ZC3H13: variants seen among roughly 807,000 people sequenced by gnomAD.
ZC3H13 encodes zinc finger CCCH domain-containing protein 13.
A neutral mutation model predicts 204.1 loss-of-function variants in ZC3H13; 64 were observed. That is an observed-to-expected ratio of 0.31 (90% CI 0.26 to 0.39). ZC3H13 has a LOEUF of 0.39. Ranked by LOEUF, ZC3H13 falls within the 10% of genes least tolerant of loss-of-function variation. The pLI, the probability that ZC3H13 is intolerant of heterozygous loss-of-function variation, is 1.00. For missense variants in ZC3H13, 1,833 were observed against 2,082.7 expected (o/e 0.88, Z 2.33); for synonymous variants, 667 against 693.7 (o/e 0.96, Z 0.60).
chr13:46,032,415 G>A (rs1234930001), intron 4 of ZC3H13, among the ~76,000 whole-genome samples: 2 of 147,112 alleles, frequency 1.4e-5, no homozygotes, highest in Non-Finnish European at 3.0e-5. Flanking sequence ...TAAATTACCT[G>A]TAAATACATG....
Position 45,970,612 on chromosome 13 carries a change from C to T in ZC3H13, c.2469-147G>A, listed in dbSNP as rs532692330. 1.2e-4 allele frequency: 73 copies of T among 594,082 alleles called. No individual in the cohort carries two copies. In the African/African-American group the frequency reaches 1.3e-3, roughly 10 times the overall value. The allele number at this position is 594,082 out of a possible 1,614,324, so 36.8% of individuals were successfully genotyped here. Reference sequence around the variant, plus strand: ...CAGAGTGTATCATACAAAGGATATTCAGTGTCTTTAATACAAATTCTTTAC... The same window carrying T: ...CAGAGTGTATCATACAAAGGATATTTAGTGTCTTTAATACAAATTCTTTAC... On this transcript the variant is annotated intron_variant, in intron 12 of 18. Coordinates refer to ENST00000679008, the MANE Select transcript of ZC3H13 (RefSeq NM_001330564.2).
In ZC3H13 at chr13:45,985,351, T is replaced by C; in HGVS notation, c.1666A>G (p.Arg556Gly). 6.2e-7 allele frequency: 1 copy of C among 1,614,250 alleles called. No individual in the cohort carries two copies. The highest frequency in any genetic ancestry group is 8.5e-7 in the Non-Finnish European group (1 of 1,180,038). ...ESRNESRSEIRNDRMGRSRGR... is the reference protein window; with the variant it reads ...ESRNESRSEIGNDRMGRSRGR... ...CTACTTCGGCCCATTCGGTCATTTCTAATTTCACTTCGAGACTCATTTCTG... is the reference window on the plus strand; with the variant it reads ...CTACTTCGGCCCATTCGGTCATTTCCAATTTCACTTCGAGACTCATTTCTG... Residue 556 changes from arginine to glycine, a missense_variant, in exon 10 of 19, where the codon AGA becomes GGA. Coordinates refer to ENST00000679008, the MANE Select transcript of ZC3H13 (RefSeq NM_001330564.2).
intron 1 of ZC3H13, among the ~76,000 whole-genome samples, chr13:46,049,045 G>A (rs999541445): frequency 2.0e-5 from 3 of 151,722 alleles, no homozygotes; most frequent in Non-Finnish European, 4.4e-5. Flanking sequence ...CCAGCTACTC[G>A]GGAAGCTGAG....
In ZC3H13 at chr13:45,965,875, C is replaced by T. The variant is rs1304326850; in HGVS notation, c.4322-443G>A. Among the ~76,000 whole-genome samples, 3 of 151,990 alleles carry T rather than the reference C, an allele frequency of 2.0e-5. 1 individual carries two copies. The South Asian group carries it at 6.2e-4, about 32-fold the overall frequency. On this transcript the variant is annotated intron_variant, in intron 15 of 18. Coordinates refer to ENST00000679008, the MANE Select transcript of ZC3H13 (RefSeq NM_001330564.2). ...CTTGCAAACATTTAAAAAATTTACT[C>T]GAAGCTTAAATCTTAGTTCATATTA...
chr13:45,968,751 A>C lies in ZC3H13; in HGVS notation c.3793T>G (p.Ser1265Ala). 6.3e-7 allele frequency: 1 copy of C among 1,580,578 alleles called. No homozygotes were observed. ...GATCACAATTCAATTTTATTACCTGAAGAAGTACTTCGACTGGGTTCTCCA... is the reference window on the plus strand; with the variant it reads ...GATCACAATTCAATTTTATTACCTGCAGAAGTACTTCGACTGGGTTCTCCA... ...KRGEPSRSTS[S>A]DRQDSRSHSS... is the part of the protein sequence containing the mutation. Residue 1265 changes from serine (S) to alanine (A), a missense_variant, in exon 14 of 19, where the codon TCA (serine) becomes GCA (alanine). Physicochemically the swap from Ser to Ala is moderately conservative, Grantham distance 99. Coordinates refer to ENST00000679008, the MANE Select transcript of ZC3H13 (RefSeq NM_001330564.2).
At chr13:45,972,078 T>C (rs1952630579) in intron 12 of ZC3H13, among the ~76,000 whole-genome samples, 1 of 151,718 alleles carries the variant, frequency 6.6e-6, no homozygotes, top group African/African-American at 2.4e-5. Flanking sequence ...ACAACCTCTA[T>C]GAAAAACAGT....
At chr13:46,024,874 T>C (rs1298665240) in intron 4 of ZC3H13, among the ~76,000 whole-genome samples, 2 of 152,168 alleles carry the variant, frequency 1.3e-5, no homozygotes, top group African/African-American at 4.8e-5. Flanking sequence ...GCAACTATTG[T>C]CAGGTCAAGT....
intron 4 of ZC3H13, among the ~76,000 whole-genome samples, chr13:46,040,502 T>C (rs1236297959): frequency 2.0e-5 from 3 of 152,094 alleles, no homozygotes; most frequent in Non-Finnish European, 2.9e-5. Context: ...AAAGACAACA[T>C]AGACGTAAAT....
intron 5 of ZC3H13, among the ~76,000 whole-genome samples, chr13:46,016,156 C>G (rs2041895615): frequency 6.6e-6 from 1 of 152,066 alleles, no homozygotes; most frequent in African/African-American, 2.4e-5. Context: ...CATTTTTGAT[C>G]TGAAATTATC....
In ZC3H13 at chr13:45,969,054, G is replaced by T; in HGVS notation, c.3490C>A (p.Arg1164=). The T allele has an allele frequency of 5.6e-6, 9 of 1,614,118 alleles. No individual in the cohort carries two copies. Among genetic ancestry groups the T allele is most frequent in the Non-Finnish European group, 7.6e-6 (9 of 1,180,014 alleles). Residue 1164 remains arginine (R), a synonymous_variant, in exon 14 of 19, where the codon CGA becomes AGA. Coordinates refer to ENST00000679008, the MANE Select transcript of ZC3H13 (RefSeq NM_001330564.2). The part of the protein sequence containing the change: ...EDSHRKCHRT[R]VEKVETPHVT... ...TGAGGCGTCTCTACTTTTTCTACTC[G>T]TGTTCTGTGGCATTTTCTGTGTGAG...
chr13:46,048,319 T>G (rs945857561), intron 1 of ZC3H13, among the ~76,000 whole-genome samples: 2 of 152,170 alleles, frequency 1.3e-5, no homozygotes, highest in African/African-American at 4.8e-5. Context: ...GGCTCACGCC[T>G]GTAATCCCAG....
At chr13:45,971,529 T>A (rs1376977756) in intron 12 of ZC3H13, among the ~76,000 whole-genome samples, 1 of 152,144 alleles carries the variant, frequency 6.6e-6, no homozygotes, top group Non-Finnish European at 1.5e-5. Flanking sequence ...GATCAAAGAC[T>A]TAAATCTAAA....
At chr13:46,025,758 T>G (rs1044676614) in intron 4 of ZC3H13, among the ~76,000 whole-genome samples, 6 of 152,218 alleles carry the variant, frequency 3.9e-5, no homozygotes, top group African/African-American at 1.4e-4. Context: ...CCAATTTTTC[T>G]TCTCTGTTAT....
intron 4 of ZC3H13, among the ~76,000 whole-genome samples, chr13:46,030,240 G>A (rs1246876166): frequency 1.3e-5 from 2 of 152,154 alleles, no homozygotes; most frequent in Non-Finnish European, 2.9e-5. Flanking sequence ...ACTTGATAAA[G>A]ATCATCTACA....
At position 45,979,889 on chromosome 13, in the gene ZC3H13, G is replaced by T; in HGVS notation, c.1836C>A (p.Asp612Glu). 4 of 1,610,572 alleles carry T rather than the reference G, an allele frequency of 2.5e-6. No homozygotes were observed. The highest frequency in any genetic ancestry group is 1.7e-6 in the Non-Finnish European group (2 of 1,178,308). ...AAGAATCCCTTGCTTGATCTCTGTT[G>T]TCTCTTTCAGGATATCTATCTCTTT... ...YPERDRYPER[D>E]NRDQARDSSF... Residue 612 changes from aspartate to glutamate, a missense_variant, in exon 11 of 19, where the codon GAC becomes GAA. By Grantham distance (45) the Asp-to-Glu change is conservative. Coordinates refer to ENST00000679008, the MANE Select transcript of ZC3H13 (RefSeq NM_001330564.2).
chr13:45,987,282 G>T (rs868415493), intron 9 of ZC3H13, among the ~76,000 whole-genome samples: 11 of 152,146 alleles, frequency 7.2e-5, no homozygotes, highest in Admixed American at 3.3e-4. Flanking sequence ...AAACGCCTAT[G>T]ATTTAAGTCC....
chr13:46,010,633 C>T (rs949019693), intron 6 of ZC3H13, 128 bp from the exon 7 acceptor site: 4 of 915,584 alleles, frequency 4.4e-6, no homozygotes, highest in Non-Finnish European at 6.3e-6. Context: ...CAGTGGTTCA[C>T]ACCTGTAATC....
intron 8 of ZC3H13, among the ~76,000 whole-genome samples, chr13:45,996,104 T>C (rs908940353): frequency 1.3e-5 from 2 of 152,224 alleles, no homozygotes; most frequent in African/African-American, 4.8e-5. Flanking sequence ...CCAAGAAGAT[T>C]TTGTGTTTAA....
At chr13:46,049,598 G>C (rs1204360775) in intron 1 of ZC3H13, among the ~76,000 whole-genome samples, 2 of 152,016 alleles carry the variant, frequency 1.3e-5, no homozygotes, top group Non-Finnish European at 2.9e-5. Flanking sequence ...CTACAATACA[G>C]CAGAAAAACA....
Sources: gnomAD v4.1 joint callset for allele counts (sites outside exome capture counted in the v4.1 genomes callset) on GRCh38, gnomAD v4.1.1 for gene constraint, MANE v1.5 for transcripts, NCBI Gene and HGNC (gene_info 2026-07-23, HGNC 2026-07-21) for gene names.